Variants in MFSD11 observed in about 807,000 individuals in gnomAD.
MFSD11 encodes the protein major facilitator superfamily domain containing 11.
Under a neutral mutation model 53.5 loss-of-function variants are expected in MFSD11, and 36 were observed. The observed-to-expected ratio is 0.67, with a 90% CI of 0.52 to 0.89. MFSD11 has a LOEUF of 0.89. MFSD11 is among the 40% of genes least tolerant of loss of function. The probability of loss-of-function intolerance (pLI) is 0.00; values close to 1 mark genes in which losing one functional copy is unlikely to be tolerated. For synonymous variants in MFSD11, 186 were observed against 184.9 expected, an observed-to-expected ratio of 1.01 and a Z score of -0.05; for missense variants, 530 against 543.9, an observed-to-expected ratio of 0.97 and a Z score of 0.25.
At chr17:76,792,363 C>G in the MFSD11 span, among the ~76,000 whole-genome samples, 2 of 151,402 alleles carry the variant, frequency 1.3e-5, no homozygotes, top group Admixed American at 6.6e-5. Context: ...AAGTGATCCA[C>G]CCATCTCAGC....
chr17:76,803,560 A>T, the MFSD11 span, among the ~76,000 whole-genome samples: 7 of 152,122 alleles, frequency 4.6e-5, no homozygotes, highest in Non-Finnish European at 1.0e-4. Flanking sequence ...CACTCGATGG[A>T]TCATCTGGCA....
rs1235692366 is a variant in MFSD11 at position 76,779,020 on chromosome 17, A to T, written c.*668A>T. ...GTAATCCCAACACTTTGGGAGGCTG[A>T]GGTGGGTGGATCACCTGAGGTCAGG... On this transcript the variant is annotated 3_prime_UTR_variant, in exon 13 of 13. Coordinates refer to ENST00000685175, the MANE Select transcript of MFSD11 (RefSeq NM_001242532.5). 1.3e-5 allele frequency: 2 copies of T among 152,248 alleles called. No individual in the cohort carries two copies. Among genetic ancestry groups the T allele is most frequent in the Non-Finnish European group, 2.9e-5 (2 of 68,120 alleles). 9.4% of individuals were successfully genotyped at this position (152,248 alleles called of 1,614,324 possible).
the MFSD11 span, chr17:76,799,262 C>T: frequency 6.6e-6 from 1 of 151,722 alleles, no homozygotes; most frequent in African/African-American, 2.4e-5. Context: ...TTATAGGTGC[C>T]CACCACAATG....
At chr17:76,737,184 C>T (rs1286450958), upstream of MFSD11, 2 of 1,524,956 alleles carry the variant, frequency 1.3e-6, no homozygotes, top group South Asian at 2.5e-5. Flanking sequence ...GGCCCGGAGC[C>T]CCGCGAACTG....
downstream of MFSD11, among the ~76,000 whole-genome samples, chr17:76,783,528 T>G (rs1331272980): frequency 1.3e-5 from 2 of 152,100 alleles, no homozygotes; most frequent in Admixed American, 6.6e-5. Flanking sequence ...TTGGTTGGTT[T>G]GTTGTTTGTT....
In MFSD11 at chr17:76,775,418, G is replaced by A. The variant is rs9303005; in HGVS notation, c.1049+247G>A. Among the ~76,000 whole-genome samples, 271 of 152,258 alleles carry A rather than the reference G, an allele frequency of 1.8e-3. 3 individuals are homozygous for A. The highest frequency in any genetic ancestry group is 6.3e-3 in the African/African-American group (260 of 41,544). ...TTTTTCTTGATCCTTGAAGGAGCACGTAAGTATCTGATTTGAATTTTTTAT... is the reference window on the plus strand; with the variant it reads ...TTTTTCTTGATCCTTGAAGGAGCACATAAGTATCTGATTTGAATTTTTTAT... On this transcript the variant is annotated intron_variant, in intron 11 of 12. Transcript: ENST00000685175.
Position 76,767,448 on chromosome 17 carries a change from A to G in MFSD11, c.745A>G (p.Thr249Ala). ...MLLLSITTAY[T>A]GLELTFFSGV... ...CCTTCTTAGTATTACAACTGCTTAT[A>G]CAGGTAATGGAATTACTGTTCTTAT... Residue 249 changes from threonine to alanine, a missense_variant, in exon 9 of 13, where the codon ACA (threonine) becomes GCA (alanine). Transcript: ENST00000685175. The G allele has an allele frequency of 6.3e-7, 1 of 1,576,824 alleles. No individual in the cohort carries two copies. Among genetic ancestry groups the G allele is most frequent in the Non-Finnish European group, 8.7e-7 (1 of 1,147,918 alleles).
intron 2 of MFSD11, 23 bp from the exon 3 acceptor site, chr17:76,740,934 C>A: frequency 1.3e-4 from 107 of 819,458 alleles, no homozygotes; most frequent in Middle Eastern, 2.5e-4. Flanking sequence ...TTTTTTTTTT[C>A]CGTTTGTGTA....
At chr17:76,791,615 G>A in the MFSD11 span, among the ~76,000 whole-genome samples, 2,487 of 148,570 alleles carry the variant, frequency 0.017, 247 homozygotes, top group African/African-American at 0.058. Context: ...TGGGGGAGCC[G>A]CACGGGGTGT....
Position 76,738,350 on chromosome 17 carries a change from A to G in MFSD11, c.-3A>G. ...CTGCTGCCTCCGGCAGAGCTGAGCC[A>G]AAATGTCCCCGGAATCTAAAAAGCT... On this transcript the variant is annotated 5_prime_UTR_variant, in exon 1 of 13. Coordinates refer to ENST00000685175, the MANE Select transcript of MFSD11 (RefSeq NM_001242532.5). 6.2e-7 allele frequency: 1 copy of G among 1,613,298 alleles called. No individual in the cohort carries two copies. The highest frequency in any genetic ancestry group is 8.5e-7 in the Non-Finnish European group (1 of 1,179,302).
the MFSD11 span, among the ~76,000 whole-genome samples, chr17:76,790,351 T>C: frequency 1.4e-5 from 2 of 146,412 alleles, no homozygotes; most frequent in Non-Finnish European, 3.0e-5. Context: ...TTCTTTCTTT[T>C]TTTTTTTTGA....
the MFSD11 span, among the ~76,000 whole-genome samples, chr17:76,787,996 C>CT: frequency 6.8e-6 from 1 of 147,556 alleles, no homozygotes; most frequent in African/African-American, 2.5e-5. Context: ...CATGGTTTTG[C>CT]TTTTTTTGTT....
At chr17:76,740,902 T>C in intron 2 of MFSD11, 55 bp from the exon 3 acceptor site, 1 of 1,002,892 alleles carries the variant, frequency 1.0e-6, no homozygotes, top group Non-Finnish European at 1.5e-6. Flanking sequence ...TGACACAGCA[T>C]ATAAGGGCTT....
chr17:76,780,325 GT>G (rs1233113821), downstream of MFSD11, among the ~76,000 whole-genome samples: 5 of 147,310 alleles, frequency 3.4e-5, no homozygotes, highest in East Asian at 2.0e-4. Context: ...GCTCAGTTTT[GT>G]TTTTTTTTTC....
At chr17:76,773,305 T>G (rs1473570314) in intron 10 of MFSD11, 1 of 152,278 alleles carries the variant, frequency 6.6e-6, no homozygotes, top group South Asian at 2.1e-4. Flanking sequence ...TGCCTACTCT[T>G]GAGAGGAACT....
upstream of MFSD11, chr17:76,737,935 T>G: frequency 4.8e-6 from 1 of 207,028 alleles, no homozygotes; most frequent in Non-Finnish European, 9.6e-6. Flanking sequence ...CGGGACTACG[T>G]TTCCCAGCGG....
intron 8 of MFSD11, among the ~76,000 whole-genome samples, chr17:76,760,235 G>T (rs1241909716): frequency 1.3e-5 from 2 of 150,624 alleles, no homozygotes; most frequent in Non-Finnish European, 2.9e-5. Context: ...AGTGAGCCAT[G>T]CCACTTCACT....
Position 76,769,813 on chromosome 17 carries a change from A to C in MFSD11, c.816A>C (p.Ala272=), listed in dbSNP as rs775518175. The C allele has an allele frequency of 6.2e-7, 1 of 1,613,308 alleles. No individual in the cohort carries two copies. The highest frequency in any genetic ancestry group is 8.5e-7 in the Non-Finnish European group (1 of 1,179,712). ...TCIGATNKFG[A]EEKSLIGLSG... The stretch of plus-strand genomic sequence containing the variant: ...TTGGTGCTACAAATAAATTTGGAGC[A>C]GAAGAGAAAAGCCTTATTGGACTTT... Residue 272 remains alanine, a synonymous_variant, in exon 10 of 13, where the codon GCA becomes GCC. Transcript: ENST00000685175.
In MFSD11 at chr17:76,776,977, A is replaced by T. The variant is rs1436110288; in HGVS notation, c.1185+436A>T. Among the ~76,000 whole-genome samples the T allele has an allele frequency of 6.7e-6, 1 of 149,776 alleles. No individual in the cohort carries two copies. Among genetic ancestry groups the T allele is most frequent in the Non-Finnish European group, 1.5e-5 (1 of 67,498 alleles). On this transcript the variant is annotated intron_variant, in intron 12 of 12. Transcript: ENST00000685175. This position sits in a 1 kb window ranked among gnomAD's most constrained non-coding sequence, Gnocchi z 4.2. ...CTATTTTTTTATTTTATTTTTTTTTAAAGACAAAGTCGGCCCGCCGCGGCT... is the reference window on the plus strand; with the variant it reads ...CTATTTTTTTATTTTATTTTTTTTTTAAGACAAAGTCGGCCCGCCGCGGCT...
Sources: allele counts gnomAD v4.1 joint callset (sites outside exome capture counted in the v4.1 genomes callset), GRCh38; gene constraint gnomAD v4.1.1; non-coding constraint Gnocchi (gnomAD v3.1); transcripts MANE v1.5; gene names NCBI Gene and HGNC (gene_info 2026-07-23, HGNC 2026-07-21).